Variants in TXNDC16 observed in about 807,000 individuals in gnomAD.
The protein encoded by TXNDC16 is thioredoxin domain-containing protein 16.
TXNDC16 carries 74 observed loss-of-function variants against 85.6 expected under a neutral mutation model. The ratio of observed to expected loss-of-function variants is 0.86; its 90% CI spans 0.72 to 1.05. TXNDC16 has a LOEUF of 1.05. Among genes scored for constraint, TXNDC16 ranks in the 50% least tolerant of loss-of-function variants. TXNDC16 has a pLI of 0.00. For missense variants in TXNDC16, 959 were observed against 947.0 expected (o/e 1.01, Z -0.17); for synonymous variants, 335 against 326.5 (o/e 1.03, Z -0.28).
chr14:52,473,705 C>T (rs1288080173), intron 14 of TXNDC16, among the ~76,000 whole-genome samples: 1 of 152,062 alleles, frequency 6.6e-6, no homozygotes. Flanking sequence ...AAATAGGTTC[C>T]TAACTTAAAA....
intron 18 of TXNDC16, among the ~76,000 whole-genome samples, chr14:52,443,936 T>C (rs1315184602): frequency 1.3e-5 from 2 of 151,930 alleles, no homozygotes; most frequent in Non-Finnish European, 1.5e-5. Flanking sequence ...CTGGTAGTGA[T>C]GGTAGAAGTT....
intron 6 of TXNDC16, among the ~76,000 whole-genome samples, chr14:52,528,895 C>T (rs1019764744): frequency 5.0e-4 from 73 of 145,268 alleles, no homozygotes; most frequent in African/African-American, 1.6e-3. Context: ...TCTATAATAC[C>T]TATTATATAT....
chr14:52,512,619 A>C (rs1043491530), intron 8 of TXNDC16, among the ~76,000 whole-genome samples: 13 of 152,316 alleles, frequency 8.5e-5, no homozygotes, highest in Admixed American at 8.5e-4. Context: ...TAATGTTGGA[A>C]AATTATTTTA....
At chr14:52,456,782 A>C (rs979949271) in intron 17 of TXNDC16, among the ~76,000 whole-genome samples, 8 of 152,198 alleles carry the variant, frequency 5.3e-5, no homozygotes, top group Admixed American at 5.2e-4. Flanking sequence ...AGAAAAATTT[A>C]TCCCAAACTA....
intron 17 of TXNDC16, among the ~76,000 whole-genome samples, 197 bp downstream of exon 17, chr14:52,456,893 T>C (rs2035546848): frequency 6.6e-6 from 1 of 152,154 alleles, no homozygotes; most frequent in African/African-American, 2.4e-5. Flanking sequence ...CCATGGGGTC[T>C]TTGGTCTAAA....
intron 9 of TXNDC16, among the ~76,000 whole-genome samples, chr14:52,496,991 T>C (rs2036547751): frequency 6.6e-6 from 1 of 152,064 alleles, no homozygotes; most frequent in Non-Finnish European, 1.5e-5. Flanking sequence ...AGTCATAGGG[T>C]AGTATCATAA....
intron 6 of TXNDC16, among the ~76,000 whole-genome samples, chr14:52,520,544 A>G (rs1190732804): frequency 1.3e-5 from 2 of 152,128 alleles, no homozygotes; most frequent in African/African-American, 4.8e-5. Context: ...CGGGAGGAGG[A>G]GTTTGCAGTG....
At chr14:52,527,649 T>C (rs1167688839) in intron 6 of TXNDC16, among the ~76,000 whole-genome samples, 1 of 152,212 alleles carries the variant, frequency 6.6e-6, no homozygotes, top group Non-Finnish European at 1.5e-5. Context: ...TATAAGCATC[T>C]GACTCTTGCC....
chr14:52,454,930 C>A (rs2035497475), intron 18 of TXNDC16, among the ~76,000 whole-genome samples: 1 of 152,164 alleles, frequency 6.6e-6, no homozygotes, highest in Non-Finnish European at 1.5e-5. Context: ...TAACTGTCTG[C>A]AGCAGATGCT....
Position 52,460,196 on chromosome 14 carries a change from T to C in TXNDC16, c.1619-3022A>G, listed in dbSNP as rs1277497449. Among the ~76,000 whole-genome samples the C allele has an allele frequency of 2.0e-5, 3 of 151,994 alleles. No homozygotes were observed. In the East Asian group the frequency reaches 5.8e-4, roughly 29 times the overall value. ...TTGAGACCAGCCTGGGTAACACGGC[T>C]AAACCCCATCTCTACTAAAAATGCA... is the stretch of plus-strand genomic sequence containing the variant. On this transcript the variant is annotated intron_variant, in intron 16 of 20. Coordinates refer to ENST00000281741, the MANE Select transcript of TXNDC16 (RefSeq NM_020784.3).
intron 18 of TXNDC16, among the ~76,000 whole-genome samples, chr14:52,441,013 T>C (rs2035152431): frequency 6.6e-6 from 1 of 152,186 alleles, no homozygotes; most frequent in Non-Finnish European, 1.5e-5. Flanking sequence ...TAATAATTTA[T>C]TATGCTAAAG....
intron 16 of TXNDC16, among the ~76,000 whole-genome samples, chr14:52,458,473 C>T (rs980952987): frequency 6.6e-6 from 1 of 152,126 alleles, no homozygotes; most frequent in Non-Finnish European, 1.5e-5. Flanking sequence ...ATGAGAATCG[C>T]TTGAATTTGG....
chr14:52,466,199 A>G (rs2035768729), intron 16 of TXNDC16, among the ~76,000 whole-genome samples: 1 of 151,672 alleles, frequency 6.6e-6, no homozygotes, highest in Non-Finnish European at 1.5e-5. Flanking sequence ...TGGCATACAA[A>G]GAAAAAAAAA....
At chr14:52,435,296 T>C (rs1012371874) in intron 20 of TXNDC16, among the ~76,000 whole-genome samples, 2 of 148,934 alleles carry the variant, frequency 1.3e-5, no homozygotes, top group Admixed American at 6.8e-5. Context: ...TTGAGAAACA[T>C]TCTAGCCCTA....
At chr14:52,461,010 T>C (rs1221944304) in intron 16 of TXNDC16, among the ~76,000 whole-genome samples, 1 of 151,630 alleles carries the variant, frequency 6.6e-6, no homozygotes, top group Non-Finnish European at 1.5e-5. Context: ...CATAACAATT[T>C]TGAAGTTTTC....
chr14:52,547,717 G>A (rs1050100006), intron 1 of TXNDC16, among the ~76,000 whole-genome samples: 1 of 152,110 alleles, frequency 6.6e-6, no homozygotes, highest in African/African-American at 2.4e-5. Context: ...TTCAACAGGG[G>A]GTGGCAGACA....
chr14:52,533,358 T>C (rs1197011473), intron 6 of TXNDC16, among the ~76,000 whole-genome samples: 1 of 152,172 alleles, frequency 6.6e-6, no homozygotes, highest in Non-Finnish European at 1.5e-5. Flanking sequence ...CAGCTAATTT[T>C]ACCTCCTAAG....
intron 6 of TXNDC16, among the ~76,000 whole-genome samples, chr14:52,524,573 C>T (rs1433605643): frequency 1.8e-4 from 27 of 152,048 alleles, no homozygotes; most frequent in Admixed American, 1.8e-3. Context: ...ACTGCAGCCT[C>T]GAGCTTCTGG....
Position 52,543,266 on chromosome 14 carries a change from C to G in TXNDC16, c.160+132G>C, listed in dbSNP as rs895700611. The G allele has an allele frequency of 3.8e-5, 38 of 1,010,868 alleles. No individual in the cohort carries two copies. The African/African-American group carries it at 6.2e-4, about 16-fold the overall frequency. The allele number at this position is 1,010,868 out of a possible 1,614,324, so 62.6% of individuals were successfully genotyped here. ...AAGCGGCACGGGCCGGATTCAAACCCAGTCAGACATATTATAGTAACAGCT... is the reference window on the plus strand; with the variant it reads ...AAGCGGCACGGGCCGGATTCAAACCGAGTCAGACATATTATAGTAACAGCT... On this transcript the variant is annotated intron_variant, in intron 3 of 20. Coordinates refer to ENST00000281741, the MANE Select transcript of TXNDC16 (RefSeq NM_020784.3).
Sources: gnomAD v4.1 joint callset for allele counts (sites outside exome capture counted in the v4.1 genomes callset) on GRCh38, gnomAD v4.1.1 for gene constraint, MANE v1.5 for transcripts, NCBI Gene and HGNC (gene_info 2026-07-23, HGNC 2026-07-21) for gene names.